The following SLC14A2 variants were observed in gnomAD, a reference collection of about 807,000 sequenced individuals.
SLC14A2 encodes urea transporter 2.
Under a neutral mutation model 104.6 loss-of-function variants are expected in SLC14A2, and 91 were observed. The observed-to-expected ratio is 0.87, with a 90% CI of 0.73 to 1.04. The LOEUF (loss-of-function observed/expected upper bound fraction) is 1.04, where lower values mean the gene tolerates loss of function less well. Ranked by LOEUF, SLC14A2 falls within the 50% of genes least tolerant of loss-of-function variation. SLC14A2 has a pLI of 0.00. For missense variants in SLC14A2, 1,189 were observed against 1,156.0 expected (o/e 1.03, Z -0.41); for synonymous variants, 476 against 466.4 (o/e 1.02, Z -0.27).
At chr18:45,339,780 A>G (rs1363846725) in intron 1 of SLC14A2, among the ~76,000 whole-genome samples, 2 of 152,166 alleles carry the variant, frequency 1.3e-5, no homozygotes, top group African/African-American at 2.4e-5. Flanking sequence ...AGCAGGTTTG[A>G]TGGCATAGTC....
chr18:45,421,441 C>T (rs1272761308), intron 1 of SLC14A2, among the ~76,000 whole-genome samples: 2 of 152,100 alleles, frequency 1.3e-5, no homozygotes, highest in African/African-American at 2.4e-5. Flanking sequence ...TTGGGAAGCA[C>T]GCATTTCAAC....
intron 1 of SLC14A2, among the ~76,000 whole-genome samples, chr18:45,351,197 G>C (rs991654541): frequency 1.3e-5 from 2 of 152,148 alleles, no homozygotes; most frequent in African/African-American, 4.8e-5. Context: ...TTGAAGGAAA[G>C]GGACCTTATA....
At chr18:45,466,987 CT>C (rs2087155716) in intron 1 of SLC14A2, among the ~76,000 whole-genome samples, 1 of 152,030 alleles carries the variant, frequency 6.6e-6, no homozygotes, top group African/African-American at 2.4e-5. Context: ...TTCTTATCTA[CT>C]GATGATGACA....
At chr18:45,204,221 T>A in the SLC14A2 span, among the ~76,000 whole-genome samples, 1 of 152,254 alleles carries the variant, frequency 6.6e-6, no homozygotes, top group East Asian at 1.9e-4. Flanking sequence ...CAGATGAAAA[T>A]CAACCTCTTG....
At chr18:45,346,980 AAAAT>A (rs760123026) in intron 1 of SLC14A2, among the ~76,000 whole-genome samples, 3,792 of 111,302 alleles carry the variant, frequency 0.034, 113 homozygotes, top group African/African-American at 0.14. Context: ...AATAAAAATA[AAAAT>A]AAATAAATAA....
intron 1 of SLC14A2, among the ~76,000 whole-genome samples, chr18:45,616,679 AG>A (rs751353470): frequency 2.6e-5 from 4 of 152,212 alleles, no homozygotes; most frequent in Admixed American, 6.5e-5. Flanking sequence ...AGGGCTCTGA[AG>A]GAGAACTCGA....
intron 1 of SLC14A2, among the ~76,000 whole-genome samples, chr18:45,232,461 A>C (rs982639115): frequency 1.3e-5 from 2 of 152,260 alleles, no homozygotes; most frequent in African/African-American, 4.8e-5. Flanking sequence ...GTGGGGACAC[A>C]GAGACAAGCC....
intron 11 of SLC14A2, 134 bp downstream of exon 11, chr18:45,664,041 G>A (rs753670393): frequency 3.3e-5 from 30 of 902,254 alleles, no homozygotes; most frequent in Admixed American, 9.2e-5. Flanking sequence ...CACACCTGAC[G>A]TCTGACCAAG....
intron 1 of SLC14A2, among the ~76,000 whole-genome samples, chr18:45,461,824 T>C (rs1429182512): frequency 6.6e-6 from 1 of 152,234 alleles, no homozygotes; most frequent in African/African-American, 2.4e-5. Flanking sequence ...CAACAATTTA[T>C]AAAAGATTGC....
chr18:45,585,180 C>A (rs558020838), intron 2 of SLC14A2, among the ~76,000 whole-genome samples: 3 of 152,254 alleles, frequency 2.0e-5, no homozygotes, highest in Non-Finnish European at 2.9e-5. Context: ...GACATTCTGG[C>A]CTTCTTGCTG....
intron 1 of SLC14A2, among the ~76,000 whole-genome samples, chr18:45,385,600 CATT>C (rs1272718906): frequency 6.6e-6 from 1 of 152,166 alleles, no homozygotes; most frequent in Non-Finnish European, 1.5e-5. Context: ...TTTTATATCT[CATT>C]AATTCTCCCA....
chr18:45,202,204 G>T, the SLC14A2 span, among the ~76,000 whole-genome samples: 7 of 152,078 alleles, frequency 4.6e-5, no homozygotes, highest in East Asian at 9.6e-4. Context: ...TATTTGTAAG[G>T]TTCCCCAACA....
At chr18:45,629,084 A>G (rs1021131789) in intron 4 of SLC14A2, among the ~76,000 whole-genome samples, 1 of 152,218 alleles carries the variant, frequency 6.6e-6, no homozygotes, top group Non-Finnish European at 1.5e-5. Context: ...TGTCCCCATC[A>G]TGGCACCTGT....
chr18:45,570,054 G>T (rs12963996), intron 2 of SLC14A2, among the ~76,000 whole-genome samples: 61,443 of 152,004 alleles, frequency 0.4, 13,029 homozygotes, highest in East Asian at 0.61. Context: ...CAGATAATCA[G>T]GAAAAAGTGT....
intron 1 of SLC14A2, among the ~76,000 whole-genome samples, chr18:45,413,904 G>C (rs1049580162): frequency 6.6e-6 from 1 of 152,002 alleles, no homozygotes; most frequent in Non-Finnish European, 1.5e-5. Flanking sequence ...AGATCATACA[G>C]GTAAATATTA....
intron 2 of SLC14A2, among the ~76,000 whole-genome samples, chr18:45,599,036 T>A (rs1440504941): frequency 6.6e-6 from 1 of 152,198 alleles, no homozygotes; most frequent in Non-Finnish European, 1.5e-5. Context: ...AAAACCATGA[T>A]GAGTATGAAG....
intron 1 of SLC14A2, among the ~76,000 whole-genome samples, chr18:45,307,962 G>A (rs749646725): frequency 3.0e-4 from 45 of 152,292 alleles, no homozygotes; most frequent in South Asian, 6.2e-4. Context: ...TCCAATCACG[G>A]CTGAAGGTGA....
intron 1 of SLC14A2, among the ~76,000 whole-genome samples, chr18:45,405,097 G>A (rs997114034): frequency 3.3e-5 from 5 of 152,086 alleles, no homozygotes; most frequent in Admixed American, 2.6e-4. Flanking sequence ...CCATGGTAAC[G>A]TGCTTACCTT....
chr18:45,618,257 C>T (rs867920485), intron 1 of SLC14A2, among the ~76,000 whole-genome samples: 5 of 152,166 alleles, frequency 3.3e-5, no homozygotes, highest in Non-Finnish European at 7.3e-5. Flanking sequence ...GGAAACTCTC[C>T]TTGCATCAAT....
Sources: allele counts gnomAD v4.1 joint callset (sites outside exome capture counted in the v4.1 genomes callset), GRCh38; gene constraint gnomAD v4.1.1; transcripts MANE v1.5; gene names NCBI Gene and HGNC (gene_info 2026-07-23, HGNC 2026-07-21).